The following FARS2 variants were observed in gnomAD, a reference collection of about 807,000 sequenced individuals.
FARS2 encodes phenylalanyl-tRNA synthetase 2, mitochondrial, also known as phenylalanine--tRNA ligase, mitochondrial.
FARS2 carries 40 observed loss-of-function variants against 46.4 expected under a neutral mutation model. That is an observed-to-expected ratio of 0.86 (90% confidence interval 0.67 to 1.12). The LOEUF (loss-of-function observed/expected upper bound fraction) is 1.12, where lower values mean the gene tolerates loss of function less well. FARS2 is among the 50% of genes most tolerant of loss of function. The pLI is 0.00. For missense variants in FARS2, 513 were observed against 567.9 expected (o/e 0.90, Z 0.98); for synonymous variants, 234 against 214.9 (o/e 1.09, Z -0.78).
chr6:5,670,487 T>A (rs1778397135), intron 6 of FARS2, among the ~76,000 whole-genome samples: 1 of 152,228 alleles, frequency 6.6e-6, no homozygotes, highest in African/African-American at 2.4e-5. Flanking sequence ...CCACAACTGA[T>A]GCACAATGGA....
At chr6:5,445,304 C>G (rs1296517871) in intron 4 of FARS2, among the ~76,000 whole-genome samples, 2 of 152,124 alleles carry the variant, frequency 1.3e-5, no homozygotes, top group African/African-American at 4.8e-5. Context: ...GTGATGTGCT[C>G]TCAGTGGCTC....
upstream of FARS2, chr6:5,261,160 AG>A (rs576152654): frequency 3.1e-4 from 50 of 163,724 alleles, no homozygotes; most frequent in South Asian, 7.8e-3. Flanking sequence ...CATCACGGAG[AG>A]CCTTTGGGAA....
intron 4 of FARS2, among the ~76,000 whole-genome samples, chr6:5,468,956 A>T (rs1397549951): frequency 6.6e-6 from 1 of 152,230 alleles, no homozygotes; most frequent in Non-Finnish European, 1.5e-5. Context: ...TTGGCATACC[A>T]TAACTCCCTT....
intron 4 of FARS2, among the ~76,000 whole-genome samples, chr6:5,481,455 T>G: frequency 6.6e-6 from 1 of 152,338 alleles, no homozygotes; most frequent in Non-Finnish European, 1.5e-5. Flanking sequence ...CCACAGTTTC[T>G]TTTCTTTTGT....
chr6:5,525,193 T>TC (rs149183608), intron 4 of FARS2, among the ~76,000 whole-genome samples: 4,332 of 141,048 alleles, frequency 0.031, 183 homozygotes, highest in African/African-American at 0.11. Flanking sequence ...CAAGCAGAGC[T>TC]CCCCCCATAA....
intron 4 of FARS2, among the ~76,000 whole-genome samples, chr6:5,476,491 CTG>C (rs1221665738): frequency 6.6e-6 from 1 of 152,006 alleles, no homozygotes; most frequent in Non-Finnish European, 1.5e-5. Flanking sequence ...ACTCCTAGAA[CTG>C]TGTGAAGAGT....
intron 6 of FARS2, among the ~76,000 whole-genome samples, chr6:5,640,062 G>A (rs1776734302): frequency 1.3e-5 from 2 of 152,138 alleles, no homozygotes; most frequent in African/African-American, 4.8e-5. Context: ...GTATTCCCAA[G>A]ATAATGTTTA....
At chr6:5,482,419 T>C (rs1195430145) in intron 4 of FARS2, among the ~76,000 whole-genome samples, 1 of 152,176 alleles carries the variant, frequency 6.6e-6, no homozygotes, top group Admixed American at 6.5e-5. Context: ...GCCCACTTAA[T>C]GTTTTTGAGA....
At chr6:5,578,559 C>T (rs963519934) in intron 5 of FARS2, among the ~76,000 whole-genome samples, 2 of 151,962 alleles carry the variant, frequency 1.3e-5, no homozygotes, top group South Asian at 2.1e-4. Context: ...CCAGTAATCC[C>T]AGCACTTTGG....
intron 1 of FARS2, among the ~76,000 whole-genome samples, chr6:5,287,979 C>T (rs1453518762): frequency 1.3e-5 from 2 of 152,172 alleles, no homozygotes; most frequent in African/African-American, 4.8e-5. Context: ...GTCATGTTCT[C>T]CTGTAATATT....
chr6:5,388,590 T>C (rs975063366), intron 2 of FARS2, among the ~76,000 whole-genome samples: 3 of 152,172 alleles, frequency 2.0e-5, no homozygotes, highest in South Asian at 4.1e-4. Flanking sequence ...ACACTGTGTC[T>C]GTGCTCATTT....
At chr6:5,493,703 T>G (rs1378625009) in intron 4 of FARS2, among the ~76,000 whole-genome samples, 1 of 152,232 alleles carries the variant, frequency 6.6e-6, no homozygotes, top group Non-Finnish European at 1.5e-5. Flanking sequence ...GGAGTTGTTT[T>G]GAGGATTGAA....
chr6:5,626,274 C>T (rs1561761862), intron 6 of FARS2, among the ~76,000 whole-genome samples: 1 of 152,046 alleles, frequency 6.6e-6, no homozygotes. Context: ...GATGAGGGTA[C>T]GTAATAATGT....
chr6:5,683,584 T>C (rs1396988810), intron 6 of FARS2, among the ~76,000 whole-genome samples: 1 of 151,962 alleles, frequency 6.6e-6, no homozygotes, highest in Non-Finnish European at 1.5e-5. Context: ...AAGAGCAGTG[T>C]TTTTTTGTTT....
intron 1 of FARS2, among the ~76,000 whole-genome samples, chr6:5,309,233 T>C (rs1232983831): frequency 6.6e-6 from 1 of 152,146 alleles, no homozygotes; most frequent in Non-Finnish European, 1.5e-5. Flanking sequence ...GAGGCATATA[T>C]TGCAGATAGA....
chr6:5,571,077 A>G (rs189031885), intron 5 of FARS2, among the ~76,000 whole-genome samples: 4 of 152,334 alleles, frequency 2.6e-5, no homozygotes, highest in Admixed American at 2.6e-4. Flanking sequence ...TTCATTTATT[A>G]TACTTACTTC....
At chr6:5,432,128 G>A (rs1018973275) in intron 4 of FARS2, among the ~76,000 whole-genome samples, 1 of 149,482 alleles carries the variant, frequency 6.7e-6, no homozygotes, top group African/African-American at 2.5e-5. Context: ...GACCAGCCTG[G>A]CCAACATGGT....
chr6:5,509,970 G>T (rs558057099), intron 4 of FARS2, among the ~76,000 whole-genome samples: 1 of 152,094 alleles, frequency 6.6e-6, no homozygotes, highest in African/African-American at 2.4e-5. Flanking sequence ...CTTTATGGTG[G>T]TGTTAACTGT....
chr6:5,514,955 T>G (rs1768696643), intron 4 of FARS2, among the ~76,000 whole-genome samples: 1 of 151,478 alleles, frequency 6.6e-6, no homozygotes, highest in Admixed American at 6.6e-5. Context: ...TTTGTTTTTT[T>G]TTTCAAGAGA....
Sources: gnomAD v4.1 joint callset for allele counts (sites outside exome capture counted in the v4.1 genomes callset) on GRCh38, gnomAD v4.1.1 for gene constraint, MANE v1.5 for transcripts, NCBI Gene and HGNC (gene_info 2026-07-23, HGNC 2026-07-21) for gene names.